The following LZTFL1 variants were observed in gnomAD, a reference collection of about 807,000 sequenced individuals.
The protein encoded by LZTFL1 is leucine zipper transcription factor like 1.
LZTFL1 carries 25 observed loss-of-function variants against 45.9 expected under a neutral mutation model. The ratio of observed to expected loss-of-function variants is 0.54; its 90% confidence interval spans 0.40 to 0.76. The LOEUF is 0.76. Ranked by LOEUF, LZTFL1 falls within the 30% of genes least tolerant of loss-of-function variation. The pLI is 0.00. For missense variants in LZTFL1, 277 were observed against 331.1 expected (o/e 0.84, Z 1.27); for synonymous variants, 93 against 117.4 (o/e 0.79, Z 1.35).
At chr3:45,902,259 T>G (rs200044856) in intron 2 of LZTFL1, 18 of 197,820 alleles carry the variant, frequency 9.1e-5, no homozygotes, top group African/African-American at 4.2e-4. Context: ...TCAGTTCTCA[T>G]GCTGCCTCTT....
At position 45,913,118 on chromosome 3, in the gene LZTFL1, A is replaced by T. The variant is rs1335866588; in HGVS notation, c.-215+2T>A. On this transcript the variant is annotated splice_donor_variant, in intron 2 of 4. Transcript: ENST00000472635. LOFTEE classifies it low-confidence loss of function (5UTR_SPLICE). ...TATGTTCTGTAAATGGTTCAGACTTACCATCTTCCCTGGGTCTTGGTTCCT... is the reference window on the plus strand; with the variant it reads ...TATGTTCTGTAAATGGTTCAGACTTTCCATCTTCCCTGGGTCTTGGTTCCT... The T allele has an allele frequency of 6.5e-7, 1 of 1,536,056 alleles. No individual in the cohort carries two copies. The highest frequency in any genetic ancestry group is 2.4e-5 in the East Asian group (1 of 40,914).
chr3:45,875,425 C>CT (rs1701734307), intron 2 of LZTFL1, among the ~76,000 whole-genome samples: 1 of 152,234 alleles, frequency 6.6e-6, no homozygotes, highest in Admixed American at 6.5e-5. Context: ...TGAATTAGTT[C>CT]TGGATTCAAA....
intron 2 of LZTFL1, among the ~76,000 whole-genome samples, chr3:45,895,891 G>C (rs936029343): frequency 3.3e-5 from 5 of 152,166 alleles, no homozygotes; most frequent in Admixed American, 1.3e-4. Context: ...GGGAAAGCCT[G>C]GGTTTTACAT....
intron 4 of LZTFL1, 26 bp downstream of exon 4, chr3:45,834,212 T>C (rs200991753): frequency 2.8e-6 from 4 of 1,427,896 alleles, no homozygotes; most frequent in Admixed American, 1.8e-5. Flanking sequence ...TATTAAGATA[T>C]GGATTTAGAA....
At chr3:45,895,035 T>C (rs1702309256) in intron 2 of LZTFL1, 2 of 1,375,290 alleles carry the variant, frequency 1.5e-6, no homozygotes, top group Admixed American at 1.7e-5. Context: ...GGATCCACTG[T>C]GGGGGAAGGA....
chr3:45,907,639 TG>T (rs1315251473), intron 2 of LZTFL1, among the ~76,000 whole-genome samples: 8 of 152,226 alleles, frequency 5.3e-5, no homozygotes, highest in Admixed American at 5.2e-4. Context: ...TGCGTGGGCA[TG>T]GCAAGATGAC....
At chr3:45,898,801 A>T (rs1373586315) in intron 2 of LZTFL1, among the ~76,000 whole-genome samples, 2 of 152,272 alleles carry the variant, frequency 1.3e-5, no homozygotes, top group African/African-American at 4.8e-5. Flanking sequence ...TTTAGAAAAC[A>T]TTGTTAAACA....
intron 2 of LZTFL1, among the ~76,000 whole-genome samples, chr3:45,905,781 G>A (rs1481312993): frequency 6.6e-6 from 1 of 152,242 alleles, no homozygotes; most frequent in Non-Finnish European, 1.5e-5. Context: ...TTTGAAGAAG[G>A]GAATCAGCAG....
At chr3:45,897,881 CA>C (rs1413140967) in intron 2 of LZTFL1, among the ~76,000 whole-genome samples, 1 of 149,576 alleles carries the variant, frequency 6.7e-6, no homozygotes, top group Non-Finnish European at 1.5e-5. Flanking sequence ...CTCCAGGCAG[CA>C]AGACCCCTGG....
chr3:45,885,636 A>C (rs1424076168), intron 2 of LZTFL1, among the ~76,000 whole-genome samples: 1 of 152,220 alleles, frequency 6.6e-6, no homozygotes, highest in Non-Finnish European at 1.5e-5. Context: ...CTGTATCTGC[A>C]TTGTCCATTG....
rs565712588 is a variant in LZTFL1, at chr3:45,866,728, G to A, written c.-214-7712C>T. On this transcript the variant is annotated intron_variant, in intron 2 of 4. Coordinates refer to the LZTFL1 transcript ENST00000472635. ...TTAGAGTCTTTCAATATAACCAATA[G>A]TGCTGTAATATTCAGCTTTGTGTAT... 5.4e-4 allele frequency among the ~76,000 whole-genome samples: 82 copies of A among 152,244 alleles called. 1 individual carries two copies. Among genetic ancestry groups the A allele is most frequent in the Non-Finnish European group, 1.1e-3 (74 of 68,032 alleles).
upstream of LZTFL1, among the ~76,000 whole-genome samples, chr3:45,843,484 C>G (rs1002328163): frequency 1.3e-5 from 2 of 152,160 alleles, no homozygotes; most frequent in Non-Finnish European, 2.9e-5. Context: ...CAAAGTTGGT[C>G]ATCAGCTTGC....
At chr3:45,904,773 G>T (rs1465908844) in intron 2 of LZTFL1, among the ~76,000 whole-genome samples, 1 of 152,224 alleles carries the variant, frequency 6.6e-6, no homozygotes, top group East Asian at 1.9e-4. Context: ...TCAATGCAAA[G>T]CTGTCTCACA....
At chr3:45,865,104 G>C (rs1368485278) in intron 2 of LZTFL1, among the ~76,000 whole-genome samples, 1 of 152,208 alleles carries the variant, frequency 6.6e-6, no homozygotes, top group Non-Finnish European at 1.5e-5. Flanking sequence ...CCAGAAGGGT[G>C]ATCATGCCTG....
chr3:45,850,621 G>A (rs1559409157), intron 4 of LZTFL1, among the ~76,000 whole-genome samples: 1 of 152,170 alleles, frequency 6.6e-6, no homozygotes, highest in Admixed American at 6.5e-5. Context: ...AGCTTCCAGT[G>A]ACTGCCTTGT....
chr3:45,892,031 T>G (rs1312064885), intron 2 of LZTFL1, among the ~76,000 whole-genome samples: 3 of 152,094 alleles, frequency 2.0e-5, no homozygotes, highest in Non-Finnish European at 4.4e-5. Flanking sequence ...CATCAACATG[T>G]AGTTACATGT....
rs374047706 is a variant in LZTFL1, at chr3:45,901,344, T to C, written c.-215+11776A>G. The C allele has an allele frequency of 5.6e-6, 9 of 1,614,136 alleles. No homozygotes were observed. Among genetic ancestry groups the C allele is most frequent in the Non-Finnish European group, 6.8e-6 (8 of 1,180,002 alleles). On this transcript the variant is annotated intron_variant, in intron 2 of 4. Transcript: ENST00000472635. The surrounding 1 kb of genome is among the most constrained non-coding windows in gnomAD (Gnocchi z 4.3). ...TGCTCTCTGCATCCCAGAAATCTTATACAGCCAAATCAAGGAGGAATCCGG... is the reference window on the plus strand; with the variant it reads ...TGCTCTCTGCATCCCAGAAATCTTACACAGCCAAATCAAGGAGGAATCCGG...
Position 45,824,229 on chromosome 3 carries a change from C to T in LZTFL1, c.*2085G>A, listed in dbSNP as rs1477010860. On this transcript the variant is annotated 3_prime_UTR_variant, in exon 10 of 10. Coordinates refer to ENST00000296135, the MANE Select transcript of LZTFL1 (RefSeq NM_020347.4). ...AAAGTCTAATCAAGGCTCAAACCAC[C>T]ATCCTTAGAAATCCAATATATATAT... 2 of 152,010 alleles carry T rather than the reference C, an allele frequency of 1.3e-5. No homozygotes were observed. The highest frequency in any genetic ancestry group is 4.8e-5 in the African/African-American group (2 of 41,352). The allele number at this position is 152,010 out of a possible 1,614,324, so 9.4% of individuals were successfully genotyped here. A position where few individuals can be genotyped will look rare whatever the true frequency, so the allele number is the denominator to read the frequency against.
At chr3:45,897,993 A>C (rs1185779966) in intron 2 of LZTFL1, among the ~76,000 whole-genome samples, 149 of 146,360 alleles carry the variant, frequency 1.0e-3, no homozygotes, top group Middle Eastern at 3.6e-3. Context: ...AAAAAAAAAA[A>C]CACACAAAAC....
Sources: gnomAD v4.1 joint callset for allele counts (sites outside exome capture counted in the v4.1 genomes callset) on GRCh38, gnomAD v4.1.1 for gene constraint, Gnocchi (gnomAD v3.1) non-coding constraint, MANE v1.5 for transcripts, NCBI Gene and HGNC (gene_info 2026-07-23, HGNC 2026-07-21) for gene names.